Variants in ZNF407 observed in about 807,000 individuals in gnomAD.
The protein encoded by ZNF407 is zinc finger protein 407.
A neutral mutation model predicts 131.2 loss-of-function variants in ZNF407; 17 were observed. The ratio of observed to expected loss-of-function variants is 0.13; its 90% CI spans 0.09 to 0.19. The LOEUF (loss-of-function observed/expected upper bound fraction) is 0.19. Among genes scored for constraint, ZNF407 ranks in the 10% least tolerant of loss-of-function variants. ZNF407 has a pLI of 1.00. For missense variants in ZNF407, 2,681 were observed against 2,830.6 expected, an observed-to-expected ratio of 0.95 and a Z score of 1.20; for synonymous variants, 1,156 against 1,062.0, an observed-to-expected ratio of 1.09 and a Z score of -1.72.
intron 1 of ZNF407, among the ~76,000 whole-genome samples, chr18:74,607,418 G>A (rs1599124092): frequency 3.3e-5 from 5 of 151,902 alleles, no homozygotes; most frequent in South Asian, 4.2e-4. Context: ...CCTAGTACTC[G>A]GATAATCTAG....
chr18:74,844,641 T>A (rs1387736391), intron 4 of ZNF407, among the ~76,000 whole-genome samples: 2 of 152,158 alleles, frequency 1.3e-5, no homozygotes, highest in Non-Finnish European at 2.9e-5. Context: ...CACAATCTGA[T>A]GTTTTTCAAA....
chr18:74,608,625 G>A (rs1485300941), intron 1 of ZNF407, among the ~76,000 whole-genome samples: 2 of 152,172 alleles, frequency 1.3e-5, no homozygotes, highest in Non-Finnish European at 2.9e-5. Flanking sequence ...GGGATTACAG[G>A]TGTAAGCCAC....
chr18:74,784,235 T>C (rs991678047), intron 4 of ZNF407, among the ~76,000 whole-genome samples: 1 of 152,238 alleles, frequency 6.6e-6, no homozygotes, highest in African/African-American at 2.4e-5. Context: ...ATAATCAGTT[T>C]TAAAAAATGT....
At chr18:75,036,060 T>C (rs995645535) in intron 8 of ZNF407, among the ~76,000 whole-genome samples, 3 of 152,218 alleles carry the variant, frequency 2.0e-5, no homozygotes, top group Non-Finnish European at 4.4e-5. Context: ...GTGTCTTTTT[T>C]TTCTCCCAAA....
In ZNF407 at chr18:75,063,285, G is replaced by A. The variant is rs1324378291; in HGVS notation, c.5564G>A (p.Arg1855Lys). 1.2e-6 allele frequency: 2 copies of A among 1,613,738 alleles called. No individual in the cohort carries two copies. The highest frequency in any genetic ancestry group is 1.7e-6 in the Non-Finnish European group (2 of 1,179,886). Residue 1855 changes from arginine (R) to lysine (K), a missense_variant, in exon 9 of 9, where the codon AGG becomes AAG. This residue lies in a region of ZNF407 where 620 missense variants were observed against 583.1 expected (regional missense o/e 1.06). Coordinates refer to ENST00000299687, the MANE Select transcript of ZNF407 (RefSeq NM_017757.3). This position sits in a 1 kb window ranked among gnomAD's most constrained non-coding sequence, Gnocchi z 6.6. ...GAGAAGCCCCTCAGAAGCAGCAGGAGGCCAGCGCCGCCCCCTGAGCAGGTG... is the reference window on the plus strand; with the variant it reads ...GAGAAGCCCCTCAGAAGCAGCAGGAAGCCAGCGCCGCCCCCTGAGCAGGTG... ...VKEKPLRSSRRPAPPPEQVQQ... is the reference protein window; with the variant it reads ...VKEKPLRSSRKPAPPPEQVQQ...
intron 3 of ZNF407, among the ~76,000 whole-genome samples, chr18:74,780,371 A>C (rs1969575019): frequency 6.6e-6 from 1 of 152,192 alleles, no homozygotes; most frequent in African/African-American, 2.4e-5. Context: ...ACAGTACTTT[A>C]CAGTCTTATG....
At chr18:74,681,506 G>A (rs181568797) in intron 3 of ZNF407, among the ~76,000 whole-genome samples, 5 of 152,244 alleles carry the variant, frequency 3.3e-5, no homozygotes, top group African/African-American at 1.2e-4. Context: ...GCCTTCCAAG[G>A]TGCTGGGATT....
chr18:74,644,675 T>C (rs1555672478), intron 3 of ZNF407, among the ~76,000 whole-genome samples: 1 of 151,980 alleles, frequency 6.6e-6, no homozygotes, highest in Non-Finnish European at 1.5e-5. Context: ...TTCCATAGCT[T>C]TGTGGATTGC....
chr18:74,898,365 C>T (rs1191976393), intron 7 of ZNF407: 1 of 152,006 alleles, frequency 6.6e-6, no homozygotes, highest in Non-Finnish European at 1.5e-5. Flanking sequence ...ATATTATTTT[C>T]GTACTTAACT....
rs575526295 is a variant in ZNF407, at chr18:74,624,842, C to T, written c.-53-6125C>T. The stretch of plus-strand genomic sequence containing the variant: ...TGTTCCTACTTGCCCCCTCAACAAA[C>T]GACAAACAGTTTTAATTTCCTCAAG... On this transcript the variant is annotated intron_variant, in intron 1 of 8. Transcript: ENST00000299687. Among the ~76,000 whole-genome samples, 5 of 152,324 alleles carry T rather than the reference C, an allele frequency of 3.3e-5. No individual in the cohort carries two copies. The South Asian group carries it at 6.2e-4, about 19-fold the overall frequency.
intron 4 of ZNF407, among the ~76,000 whole-genome samples, chr18:74,838,235 A>G (rs1344809842): frequency 6.6e-6 from 1 of 152,166 alleles, no homozygotes; most frequent in Admixed American, 6.5e-5. Flanking sequence ...ATTTTTAGAT[A>G]GGTGCTTAGG....
chr18:74,889,304 ATGTC>A (rs975121484), intron 6 of ZNF407, among the ~76,000 whole-genome samples: 3 of 151,834 alleles, frequency 2.0e-5, no homozygotes, highest in Non-Finnish European at 4.4e-5. Context: ...CTATTTACCT[ATGTC>A]TGTCTGTCTA....
chr18:74,923,232 T>C (rs972690266), intron 8 of ZNF407, among the ~76,000 whole-genome samples: 1 of 151,992 alleles, frequency 6.6e-6, no homozygotes, highest in African/African-American at 2.4e-5. Flanking sequence ...GTTTCTTTAT[T>C]TTTTTTAACC....
At chr18:74,948,499 C>T (rs1460651849) in intron 8 of ZNF407, among the ~76,000 whole-genome samples, 3 of 152,152 alleles carry the variant, frequency 2.0e-5, no homozygotes, top group Non-Finnish European at 4.4e-5. Flanking sequence ...AGTTTCGATT[C>T]TATGGAAATC....
At chr18:74,651,377 G>A (rs889065665) in intron 3 of ZNF407, among the ~76,000 whole-genome samples, 69 of 152,256 alleles carry the variant, frequency 4.5e-4, no homozygotes, top group African/African-American at 1.6e-3. Flanking sequence ...TCAAGTACGA[G>A]TGTCATCTAT....
At chr18:74,697,407 T>G (rs1967384204) in intron 3 of ZNF407, among the ~76,000 whole-genome samples, 1 of 152,182 alleles carries the variant, frequency 6.6e-6, no homozygotes, top group African/African-American at 2.4e-5. Flanking sequence ...TTAACTAAAA[T>G]TTGAGAGACT....
Position 74,957,745 on chromosome 18 carries a change from G to C in ZNF407, c.5428+37053G>C, listed in dbSNP as rs1041909980. ...CTGGGCGGGGATTTTAAAACTCTCT[G>C]AGCCTGTTTTATTTCCATAGAATGT... On this transcript the variant is annotated intron_variant, in intron 8 of 8. Coordinates refer to ENST00000299687, the MANE Select transcript of ZNF407 (RefSeq NM_017757.3). Among the ~76,000 whole-genome samples, 19 of 152,292 alleles carry C rather than the reference G, an allele frequency of 1.2e-4. 1 individual carries two copies. The highest frequency in any genetic ancestry group is 4.6e-4 in the African/African-American group (19 of 41,574).
chr18:74,890,470 C>T (rs1251686238), intron 7 of ZNF407, among the ~76,000 whole-genome samples: 2 of 152,186 alleles, frequency 1.3e-5, no homozygotes, highest in African/African-American at 4.8e-5. Flanking sequence ...AATTTAGTTA[C>T]TGTTTAAAAA....
chr18:74,653,377 A>G (rs1283918228), intron 3 of ZNF407, among the ~76,000 whole-genome samples: 2 of 151,884 alleles, frequency 1.3e-5, no homozygotes, highest in Non-Finnish European at 2.9e-5. Flanking sequence ...CCATTTGCCA[A>G]CTGAAGTTAG....
Sources: gnomAD v4.1 joint callset for allele counts (sites outside exome capture counted in the v4.1 genomes callset) on GRCh38, gnomAD v4.1.1 for gene constraint, gnomAD v4.1.1 regional missense constraint, Gnocchi (gnomAD v3.1) non-coding constraint, MANE v1.5 for transcripts, NCBI Gene and HGNC (gene_info 2026-07-23, HGNC 2026-07-21) for gene names.